Variants in KIAA0513 observed in about 807,000 individuals in gnomAD.
The protein encoded by KIAA0513 is KIAA0513, also known as uncharacterized protein KIAA0513.
A neutral mutation model predicts 56.5 loss-of-function variants in KIAA0513; 39 were observed. That is an observed-to-expected ratio of 0.69 (90% CI 0.53 to 0.90). The LOEUF is 0.90. KIAA0513 is among the 40% of genes least tolerant of loss of function. The pLI is 0.00. For synonymous variants in KIAA0513, 268 were observed against 215.6 expected (o/e 1.24, Z -2.13); for missense variants, 591 against 535.2 (o/e 1.10, Z -1.03).
chr16:85,067,913 T>A, intron 2 of KIAA0513, among the ~76,000 whole-genome samples: 1 of 148,146 alleles, frequency 6.8e-6, no homozygotes. Flanking sequence ...CAGGTTTAAG[T>A]GATTCTTCTG....
At chr16:85,060,940 G>A (rs757022531) in intron 1 of KIAA0513, among the ~76,000 whole-genome samples, 1 of 151,802 alleles carries the variant, frequency 6.6e-6, no homozygotes, top group Non-Finnish European at 1.5e-5. Flanking sequence ...GATCACCTGA[G>A]GTCAGGAGTT....
rs192181521 is a variant in KIAA0513 at position 85,068,394 on chromosome 16, G to A, written c.329+994G>A. Among the ~76,000 whole-genome samples the A allele has an allele frequency of 4.5e-4, 68 of 150,978 alleles. 1 individual carries two copies. The East Asian group carries it at 0.012, about 27-fold the overall frequency. On this transcript the variant is annotated intron_variant, in intron 2 of 12. Coordinates refer to ENST00000683363, the MANE Select transcript of KIAA0513 (RefSeq NM_001388359.1). ...GTGGCCCAGGCTGGAATGCAGTGGC[G>A]TGATCTTGGCTCACTGCAAGGTCCG...
At chr16:85,035,814 T>G (rs1391823928) in intron 1 of KIAA0513, among the ~76,000 whole-genome samples, 2 of 151,854 alleles carry the variant, frequency 1.3e-5, no homozygotes, top group Admixed American at 1.3e-4. Flanking sequence ...CCGTCTCTAC[T>G]AAAAGAATAC....
At chr16:85,030,350 C>T (rs1289319051) in intron 1 of KIAA0513, among the ~76,000 whole-genome samples, 6 of 152,170 alleles carry the variant, frequency 3.9e-5, no homozygotes, top group Admixed American at 2.0e-4. Flanking sequence ...AAGAGAAATG[C>T]GGTGGTTGTG....
chr16:85,058,460 C>G (rs1384118223), intron 1 of KIAA0513, among the ~76,000 whole-genome samples: 1 of 152,138 alleles, frequency 6.6e-6, no homozygotes, highest in Non-Finnish European at 1.5e-5. Context: ...CGAGACTAGC[C>G]TGATCAACGT....
At chr16:85,082,198 G>A (rs1356032630) in intron 9 of KIAA0513, among the ~76,000 whole-genome samples, 1 of 152,196 alleles carries the variant, frequency 6.6e-6, no homozygotes, top group Admixed American at 6.5e-5. Flanking sequence ...TCTTTCTTCT[G>A]GAGGCAGCTA....
chr16:85,079,105 G>C, intron 8 of KIAA0513, 102 bp downstream of exon 8: 1 of 1,586,908 alleles, frequency 6.3e-7, no homozygotes, highest in Admixed American at 1.8e-5. Flanking sequence ...CAGAATGGCA[G>C]AATTCTCACA....
chr16:85,038,633 A>G (rs1462227535), intron 1 of KIAA0513, among the ~76,000 whole-genome samples: 11 of 148,640 alleles, frequency 7.4e-5, no homozygotes, highest in African/African-American at 2.8e-4. Context: ...ACTTGAACCT[A>G]GGAGGCGGAG....
intron 1 of KIAA0513, among the ~76,000 whole-genome samples, chr16:85,031,882 G>C (rs71386886): frequency 0.066 from 10,040 of 152,216 alleles, 367 homozygotes; most frequent in Middle Eastern, 0.082. Flanking sequence ...TTGTTTAATG[G>C]AGAATGCTTT....
chr16:85,056,246 A>G (rs530058240), intron 1 of KIAA0513, among the ~76,000 whole-genome samples: 6 of 152,278 alleles, frequency 3.9e-5, no homozygotes, highest in African/African-American at 1.4e-4. Flanking sequence ...ATGCCTTCCT[A>G]AGCCTCCCAC....
In KIAA0513 at chr16:85,093,497, T is replaced by G. The variant is rs1034930818; in HGVS notation, c.*5172T>G. ...TCCCTTGAGCAGCGCTATAAGGGAC[T>G]TTGCACTTTAAAAAGGGGATGCCTG... is the stretch of plus-strand genomic sequence containing the variant. On this transcript the variant is annotated 3_prime_UTR_variant, in exon 13 of 13. Coordinates refer to ENST00000683363, the MANE Select transcript of KIAA0513 (RefSeq NM_001388359.1). 6.6e-6 allele frequency: 1 copy of G among 152,606 alleles called. No homozygotes were observed. The highest frequency in any genetic ancestry group is 2.4e-5 in the African/African-American group (1 of 41,442). 9.5% of individuals were successfully genotyped at this position (152,606 alleles called of 1,614,324 possible). A position where few individuals can be genotyped will look rare whatever the true frequency, so the allele number is the denominator to read the frequency against.
At position 85,072,977 on chromosome 16, in the gene KIAA0513, CTT is replaced by C; in HGVS notation, c.485_486del (p.Phe162CysfsTer12). ...GCAACCTTCTACCGCCTGGTGCAGT[CTT>C]TTGCAGTGGTGCTGTTCGAGTAAGT... is the stretch of plus-strand genomic sequence containing the variant. On this transcript the variant is annotated frameshift_variant, in exon 4 of 13. Transcript: ENST00000683363. 1 of 1,614,146 alleles carries C rather than the reference CTT, an allele frequency of 6.2e-7. No homozygotes were observed. Among genetic ancestry groups the C allele is most frequent in the Non-Finnish European group, 8.5e-7 (1 of 1,179,984 alleles).
At chr16:85,085,865 G>A (rs180772614) in intron 10 of KIAA0513, among the ~76,000 whole-genome samples, 1 of 152,330 alleles carries the variant, frequency 6.6e-6, no homozygotes, top group Non-Finnish European at 1.5e-5. Context: ...GGCCGATGCC[G>A]TCTTACTGGG....
intron 2 of KIAA0513, among the ~76,000 whole-genome samples, chr16:85,070,703 G>A (rs971728498): frequency 6.6e-6 from 1 of 152,174 alleles, no homozygotes; most frequent in Non-Finnish European, 1.5e-5. Flanking sequence ...AAATAAAAAT[G>A]CATTTATGTT....
rs1442565327 is a variant in KIAA0513, at chr16:85,033,033, A to G, written c.-173+5175A>G. Reference sequence around the variant, plus strand: ...CGGCGGGTGTGCCTGAATTCAATCCATAATGCCTTCCAGCATCAAGATGCA... The same window carrying G: ...CGGCGGGTGTGCCTGAATTCAATCCGTAATGCCTTCCAGCATCAAGATGCA... On this transcript the variant is annotated intron_variant, in intron 1 of 12. Transcript: ENST00000683363. 2.6e-5 allele frequency among the ~76,000 whole-genome samples: 4 copies of G among 152,178 alleles called. No homozygotes were observed. The East Asian group carries it at 7.7e-4, about 29-fold the overall frequency.
intron 8 of KIAA0513, among the ~76,000 whole-genome samples, chr16:85,079,950 A>C (rs943541780): frequency 2.0e-5 from 3 of 152,174 alleles, no homozygotes; most frequent in Non-Finnish European, 4.4e-5. Flanking sequence ...CCTCTCCTCG[A>C]CATATTTTAG....
intron 1 of KIAA0513, among the ~76,000 whole-genome samples, chr16:85,039,959 T>C (rs1320368543): frequency 6.6e-6 from 1 of 151,764 alleles, no homozygotes; most frequent in Non-Finnish European, 1.5e-5. Flanking sequence ...CTCGGCCTCC[T>C]GAGTAGCTGG....
intron 4 of KIAA0513, among the ~76,000 whole-genome samples, chr16:85,074,595 C>A (rs2073629925): frequency 6.6e-6 from 1 of 152,268 alleles, no homozygotes; most frequent in East Asian, 1.9e-4. Flanking sequence ...CCTATTTTTC[C>A]TGCTCTTGCT....
chr16:85,040,946 C>T (rs1358850053), intron 1 of KIAA0513, among the ~76,000 whole-genome samples: 1 of 152,210 alleles, frequency 6.6e-6, no homozygotes, highest in Non-Finnish European at 1.5e-5. Flanking sequence ...TGCAAGTAAA[C>T]ATCTGCCAAC....
Sources: gnomAD v4.1 joint callset for allele counts (sites outside exome capture counted in the v4.1 genomes callset) on GRCh38, gnomAD v4.1.1 for gene constraint, MANE v1.5 for transcripts, NCBI Gene and HGNC (gene_info 2026-07-23, HGNC 2026-07-21) for gene names.